Variants in ZNF606 observed in about 807,000 individuals in gnomAD.
ZNF606 encodes zinc finger protein 606, also known as zinc finger protein 328.
ZNF606 carries 37 observed loss-of-function variants against 74.9 expected under a neutral mutation model. That is an observed-to-expected ratio of 0.49 (90% CI 0.38 to 0.65). The LOEUF is 0.65. Ranked by LOEUF, ZNF606 falls within the 30% of genes least tolerant of loss-of-function variation. The pLI is 0.00. For synonymous variants in ZNF606, 328 were observed against 312.4 expected (o/e 1.05, Z -0.53); for missense variants, 852 against 952.9 (o/e 0.89, Z 1.39).
chr19:58,001,029 G>A, intron 2 of ZNF606: 1 of 552,806 alleles, frequency 1.8e-6, no homozygotes. Flanking sequence ...ATGTATCACT[G>A]TTGTTTAGGA....
At chr19:58,002,911 C>T (rs1402048683), upstream of ZNF606, 3 of 444,486 alleles carry the variant, frequency 6.7e-6, no homozygotes, top group East Asian at 7.1e-5. Flanking sequence ...GTTCCTGGGC[C>T]GCGCCGCCTC....
chr19:57,988,397 C>T lies in ZNF606; in HGVS notation c.305-95G>A, dbSNP rs2073197720. ...CCTATTCCTCCCTGTGACTTCTCAACCTGGGCAGAATATGCAAGGTCCTTC... is the reference window on the plus strand; with the variant it reads ...CCTATTCCTCCCTGTGACTTCTCAATCTGGGCAGAATATGCAAGGTCCTTC... On this transcript the variant is annotated intron_variant, in intron 5 of 6. Coordinates refer to ENST00000551380, the MANE Select transcript of ZNF606 (RefSeq NM_001348022.3). The T allele has an allele frequency of 3.5e-6, 5 of 1,424,124 alleles. No homozygotes were observed. In the African/African-American group the frequency reaches 4.2e-5, roughly 12 times the overall value. 88.2% of individuals were successfully genotyped at this position (1,424,124 alleles called of 1,614,324 possible).
intron 6 of ZNF606, among the ~76,000 whole-genome samples, chr19:57,987,823 A>G (rs1307399556): frequency 1.3e-5 from 2 of 152,190 alleles, no homozygotes; most frequent in Admixed American, 1.3e-4. Context: ...GCGAGACTTT[A>G]TTTCAAAACA....
At chr19:57,992,976 G>T (rs2073282729) in intron 4 of ZNF606, among the ~76,000 whole-genome samples, 1 of 152,096 alleles carries the variant, frequency 6.6e-6, no homozygotes, top group Non-Finnish European at 1.5e-5. Context: ...ATCTTTAGAG[G>T]GATTACCCTG....
chr19:57,984,613 C>T (rs140413909), intron 6 of ZNF606, among the ~76,000 whole-genome samples: 1 of 152,174 alleles, frequency 6.6e-6, no homozygotes, highest in Non-Finnish European at 1.5e-5. Context: ...ACTACAAATT[C>T]CTACATGCTT....
chr19:57,991,168 G>T (rs1365420510), intron 4 of ZNF606, among the ~76,000 whole-genome samples: 1 of 152,058 alleles, frequency 6.6e-6, no homozygotes, highest in African/African-American at 2.4e-5. Context: ...CCGTTTTCCT[G>T]TTCCTTGGTA....
intron 4 of ZNF606, chr19:57,998,294 G>C (rs2073367000): frequency 6.6e-6 from 1 of 152,026 alleles, no homozygotes. Flanking sequence ...AAAACAGGAA[G>C]TTAAAAATGG....
chr19:57,988,855 C>T, intron 4 of ZNF606, 134 bp from the exon 5 acceptor site: 1 of 1,420,646 alleles, frequency 7.0e-7, no homozygotes, highest in South Asian at 1.3e-5. Flanking sequence ...AAGAGTCTGA[C>T]TAATGTGAGT....
At chr19:57,984,134 A>C (rs1344607489) in intron 6 of ZNF606, among the ~76,000 whole-genome samples, 1 of 152,250 alleles carries the variant, frequency 6.6e-6, no homozygotes, top group Admixed American at 6.5e-5. Flanking sequence ...GGGAGTTAGA[A>C]GAGAGATTAC....
At chr19:57,999,199 C>T (rs576232460) in intron 4 of ZNF606, 45 of 152,972 alleles carry the variant, frequency 2.9e-4, no homozygotes, top group South Asian at 6.2e-4. Context: ...GCATTCTTTT[C>T]ACCTCTTGGC....
chr19:57,989,029 C>T (rs769091056), intron 4 of ZNF606, among the ~76,000 whole-genome samples: 3 of 152,182 alleles, frequency 2.0e-5, no homozygotes, highest in Non-Finnish European at 4.4e-5. Context: ...CAACACCCCT[C>T]TTCTGGAAAG....
rs564149246 is a variant in ZNF606 at position 57,982,771 on chromosome 19, T to G, written c.401-2492A>C. Among the ~76,000 whole-genome samples, 36 of 152,272 alleles carry G rather than the reference T, an allele frequency of 2.4e-4. No homozygotes were observed. The South Asian group carries it at 2.7e-3, about 11-fold the overall frequency. Reference sequence around the variant, plus strand: ...ACCTCAGCCTTCCGAGTAACAGGACTACAGGCATGAATCCTGTATATACAA... The same window carrying G: ...ACCTCAGCCTTCCGAGTAACAGGACGACAGGCATGAATCCTGTATATACAA... On this transcript the variant is annotated intron_variant, in intron 6 of 6. Coordinates refer to ENST00000551380, the MANE Select transcript of ZNF606 (RefSeq NM_001348022.3).
Position 58,002,523 on chromosome 19 carries a change from G to A in ZNF606, c.-179C>T. ...AGTGCGCTTGGGAGCTCCCGGCGCG[G>A]CCTCGGGGACAAAGGCCCGCGGAGC... On this transcript the variant is annotated 5_prime_UTR_variant, in exon 1 of 7. Coordinates refer to ENST00000551380, the MANE Select transcript of ZNF606 (RefSeq NM_001348022.3). The A allele has an allele frequency of 2.3e-6, 1 of 432,522 alleles. No homozygotes were observed. Among genetic ancestry groups the A allele is most frequent in the South Asian group, 1.6e-5 (1 of 61,170 alleles). 26.8% of individuals were successfully genotyped at this position (432,522 alleles called of 1,614,324 possible).
At position 57,988,637 on chromosome 19, in the gene ZNF606, G is replaced by C. The variant is rs148627673; in HGVS notation, c.262C>G (p.Arg88Gly). 1 of 1,614,074 alleles carries C rather than the reference G, an allele frequency of 6.2e-7. No homozygotes were observed. The highest frequency in any genetic ancestry group is 8.5e-7 in the Non-Finnish European group (1 of 1,180,002). The change falls in exon 5 of 7, where the codon CGT becomes GGT. Residue 88 changes from arginine (R) to glycine (G), a missense_variant. Physicochemically the swap from Arg to Gly is moderately radical, Grantham distance 125. Around this residue, in one of 3 missense-constraint regions of ZNF606, gnomAD observed 545 missense variants for 542.5 expected, o/e 1.00. Coordinates refer to ENST00000551380, the MANE Select transcript of ZNF606 (RefSeq NM_001348022.3). Reference sequence around the variant, plus strand: ...CCATAGGTCTCCAGCATCACATCACGGTACAGGGTCCTCTGAACAAGGTCC... The same window carrying C: ...CCATAGGTCTCCAGCATCACATCACCGTACAGGGTCCTCTGAACAAGGTCC... ...QLDLVQRTLY[R>G]DVMLETYGHL...
At chr19:57,988,806 G>T in intron 4 of ZNF606, 85 bp from the exon 5 acceptor site, 1 of 1,592,572 alleles carries the variant, frequency 6.3e-7, no homozygotes, top group South Asian at 1.1e-5. Flanking sequence ...CAGCCCTGGG[G>T]AGAGAAGACA....
chr19:57,985,026 C>T (rs1195764936), intron 6 of ZNF606, among the ~76,000 whole-genome samples: 2 of 151,978 alleles, frequency 1.3e-5, no homozygotes, highest in Non-Finnish European at 2.9e-5. Flanking sequence ...CCCTGGGAGG[C>T]GGAGCTTGCA....
intron 5 of ZNF606, 113 bp from the exon 6 acceptor site, chr19:57,988,415 G>T: frequency 7.3e-7 from 1 of 1,375,342 alleles, no homozygotes. Context: ...GAATATGCAA[G>T]GTCCTTCCCA....
intron 6 of ZNF606, among the ~76,000 whole-genome samples, chr19:57,986,157 C>G (rs1387489352): frequency 2.0e-5 from 3 of 151,944 alleles, no homozygotes; most frequent in African/African-American, 7.3e-5. Context: ...TCCAGATAAA[C>G]AAAACGCCAC....
chr19:58,001,618 A>G (rs2073430238), intron 1 of ZNF606, among the ~76,000 whole-genome samples: 1 of 152,240 alleles, frequency 6.6e-6, no homozygotes, highest in South Asian at 2.1e-4. Flanking sequence ...CCCAAGAGAC[A>G]GCCAGTCACA....
Sources: allele counts gnomAD v4.1 joint callset (sites outside exome capture counted in the v4.1 genomes callset), GRCh38; gene constraint gnomAD v4.1.1; regional missense constraint gnomAD v4.1.1; transcripts MANE v1.5; gene names NCBI Gene and HGNC (gene_info 2026-07-23, HGNC 2026-07-21).